Variants in RPH3AL observed in about 807,000 individuals in gnomAD.
The protein encoded by RPH3AL is rab effector Noc2.
In RPH3AL, 38 loss-of-function variants were observed where a neutral mutation model predicts 43.1. The ratio of observed to expected loss-of-function variants is 0.88; its 90% confidence interval spans 0.68 to 1.15. RPH3AL has a LOEUF of 1.15. RPH3AL is among the 50% of genes most tolerant of loss of function. The probability of loss-of-function intolerance (pLI) is 0.00; values close to 1 mark genes in which losing one functional copy is unlikely to be tolerated. For missense variants in RPH3AL, 462 were observed against 423.2 expected (o/e 1.09, Z -0.81); for synonymous variants, 189 against 176.3 (o/e 1.07, Z -0.57).
intron 5 of RPH3AL, among the ~76,000 whole-genome samples, chr17:286,697 G>A (rs1011032068): frequency 6.6e-6 from 1 of 152,180 alleles, no homozygotes; most frequent in Non-Finnish European, 1.5e-5. Context: ...CTGTGTCTAG[G>A]ACAGTCCCGG....
chr17:344,020 CACT>C, intron 1 of RPH3AL, among the ~76,000 whole-genome samples: 1 of 108,048 alleles, frequency 9.3e-6, no homozygotes, highest in African/African-American at 2.8e-5. Context: ...CCACCATCAT[CACT>C]ATCATCACCC....
intron 5 of RPH3AL, among the ~76,000 whole-genome samples, chr17:301,839 G>C (rs1047825810): frequency 1.3e-5 from 2 of 152,174 alleles, no homozygotes; most frequent in Admixed American, 6.6e-5. Flanking sequence ...CTGTGTCATC[G>C]AGAGGGAGTC....
At chr17:280,986 C>T (rs560718672) in intron 6 of RPH3AL, among the ~76,000 whole-genome samples, 1 of 152,288 alleles carries the variant, frequency 6.6e-6, no homozygotes, top group East Asian at 1.9e-4. Context: ...GCCTCCTCGC[C>T]CCTCACATTC....
chr17:286,231 G>A (rs1005050443), intron 5 of RPH3AL, among the ~76,000 whole-genome samples: 5 of 152,212 alleles, frequency 3.3e-5, no homozygotes, highest in Non-Finnish European at 7.3e-5. Context: ...CAGGAGCAGC[G>A]TGGACCAGTC....
chr17:319,913 GATTGA>G lies in RPH3AL; in HGVS notation c.222-369_222-365del, dbSNP rs1426280859. Among the ~76,000 whole-genome samples the G allele has an allele frequency of 2.8e-3, 7 of 2,458 alleles. 1 individual carries two copies. The highest frequency in any genetic ancestry group is 9.3e-3 in the South Asian group (1 of 108). The allele number at this position is 2,458 out of a possible 152,430, so 1.6% of individuals were successfully genotyped here. On this transcript the variant is annotated intron_variant, in intron 4 of 9. Transcript: ENST00000331302. ...TAGTGGGGGGAGGGAGGGGGAGGGA[GATTGA>G]GGGGAGGGAGGGGGAGGGAGACTGA...
chr17:261,035 G>A (rs2042184487), intron 6 of RPH3AL, among the ~76,000 whole-genome samples: 1 of 152,204 alleles, frequency 6.6e-6, no homozygotes, highest in African/African-American at 2.4e-5. Flanking sequence ...TGTTTCCTGA[G>A]GATGGAAGAC....
intron 5 of RPH3AL, 117 bp from the exon 6 acceptor site, chr17:281,971 C>T: frequency 1.3e-6 from 1 of 764,618 alleles, no homozygotes. Flanking sequence ...TCTCTTGCTT[C>T]AGGATAGAAG....
intron 3 of RPH3AL, among the ~76,000 whole-genome samples, chr17:326,297 C>G (rs2044618954): frequency 6.6e-6 from 1 of 152,238 alleles, no homozygotes; most frequent in African/African-American, 2.4e-5. Context: ...TCTTTCCATC[C>G]CCCTTTGATG....
At chr17:312,717 C>G (rs1018506167) in intron 5 of RPH3AL, among the ~76,000 whole-genome samples, 1 of 152,240 alleles carries the variant, frequency 6.6e-6, no homozygotes, top group East Asian at 1.9e-4. Flanking sequence ...CATCCATCAA[C>G]GATGACAGAA....
At chr17:336,951 C>G (rs1000041530) in intron 1 of RPH3AL, among the ~76,000 whole-genome samples, 2 of 152,042 alleles carry the variant, frequency 1.3e-5, no homozygotes, top group Non-Finnish European at 2.9e-5. Flanking sequence ...TCCCATTCGG[C>G]TTGAGCCCAC....
chr17:215,934 C>G lies in RPH3AL; in HGVS notation c.728-132G>C. The G allele has an allele frequency of 1.3e-6, 1 of 785,962 alleles. No homozygotes were observed. The highest frequency in any genetic ancestry group is 2.7e-5 in the South Asian group (1 of 37,060). The allele number at this position is 785,962 out of a possible 1,614,324, so 48.7% of individuals were successfully genotyped here. A position where few individuals can be genotyped will look rare whatever the true frequency, so the allele number is the denominator to read the frequency against. On this transcript the variant is annotated intron_variant, in intron 8 of 9. Transcript: ENST00000331302. The surrounding 1 kb of genome is among the most constrained non-coding windows in gnomAD (Gnocchi z 4.1). ...ACCCCACCCACATGGCTGCCAGGCT[C>G]TGGCCTGACCTCACCCACATGGCTG...
chr17:277,162 T>C (rs2042674788), intron 6 of RPH3AL, among the ~76,000 whole-genome samples: 1 of 152,214 alleles, frequency 6.6e-6, no homozygotes, highest in Non-Finnish European at 1.5e-5. Context: ...AATTTAAATG[T>C]CCTCAATTAG....
At chr17:314,356 G>C (rs936665597) in intron 5 of RPH3AL, among the ~76,000 whole-genome samples, 1 of 152,080 alleles carries the variant, frequency 6.6e-6, no homozygotes, top group Admixed American at 6.5e-5. Context: ...GTTCTCCCAG[G>C]CAGGAGTCAC....
intron 5 of RPH3AL, among the ~76,000 whole-genome samples, chr17:317,427 C>G (rs1464525476): frequency 6.6e-6 from 1 of 151,344 alleles, no homozygotes; most frequent in Non-Finnish European, 1.5e-5. Flanking sequence ...CTCCACACCT[C>G]CATTGACCTG....
At chr17:334,404 C>G (rs1450898198) in intron 1 of RPH3AL, among the ~76,000 whole-genome samples, 2 of 152,244 alleles carry the variant, frequency 1.3e-5, no homozygotes, top group African/African-American at 4.8e-5. Flanking sequence ...AGCCCGTCCA[C>G]TGCGGGGGGA....
chr17:216,446 C>T (rs1176207453), intron 8 of RPH3AL, among the ~76,000 whole-genome samples: 3 of 152,114 alleles, frequency 2.0e-5, no homozygotes, highest in African/African-American at 7.2e-5. Flanking sequence ...CCTTAACTCA[C>T]TAAAGGGTCT....
intron 5 of RPH3AL, among the ~76,000 whole-genome samples, chr17:305,298 C>G (rs1055616082): frequency 2.6e-5 from 4 of 151,876 alleles, no homozygotes; most frequent in Admixed American, 6.6e-5. Context: ...GAGGCAACGT[C>G]GAGATGGCGC....
intron 2 of RPH3AL, chr17:332,396 C>T: frequency 5.7e-6 from 1 of 175,822 alleles, no homozygotes; most frequent in South Asian, 1.3e-4. Context: ...CAGGAGCCCG[C>T]CCAGAAGTGT....
At chr17:316,129 C>A (rs1362867705) in intron 5 of RPH3AL, among the ~76,000 whole-genome samples, 3 of 149,602 alleles carry the variant, frequency 2.0e-5, no homozygotes, top group Admixed American at 6.7e-5. Flanking sequence ...CCTCCATTGA[C>A]CTGCAGTCCC....
Sources: gnomAD v4.1 joint callset for allele counts (sites outside exome capture counted in the v4.1 genomes callset) on GRCh38, gnomAD v4.1.1 for gene constraint, Gnocchi (gnomAD v3.1) non-coding constraint, MANE v1.5 for transcripts, NCBI Gene and HGNC (gene_info 2026-07-23, HGNC 2026-07-21) for gene names.